F13A1: variants seen among roughly 807,000 people sequenced by gnomAD.
F13A1 encodes coagulation factor XIII A chain.
Under a neutral mutation model 80.1 loss-of-function variants are expected in F13A1, and 47 were observed. That is an observed-to-expected ratio of 0.59 (90% CI 0.46 to 0.75). The LOEUF is 0.75. Ranked by LOEUF, F13A1 falls within the 30% of genes least tolerant of loss-of-function variation. The probability of loss-of-function intolerance (pLI) is 0.00; values close to 1 mark genes in which losing one functional copy is unlikely to be tolerated. For synonymous variants in F13A1, 349 were observed against 344.9 expected (o/e 1.01, Z -0.13); for missense variants, 817 against 930.4 (o/e 0.88, Z 1.59).
rs57716665 is a variant in F13A1, at chr6:6,316,078, CATATATATATATATATATAT to C, written c.130+2437_130+2456del. ...GTTTGTGTGCTGCTATGTGTGTGTG[CATATATATATATATATATAT>C]ATATATATATATATATATATATATA... On this transcript the variant is annotated intron_variant, in intron 2 of 14. Coordinates refer to ENST00000264870, the MANE Select transcript of F13A1 (RefSeq NM_000129.4). 6.0e-3 allele frequency among the ~76,000 whole-genome samples: 211 copies of C among 34,938 alleles called. 4 individuals carry two copies. The highest frequency in any genetic ancestry group is 0.013 in the South Asian group (11 of 842). 22.9% of individuals were successfully genotyped at this position (34,938 alleles called of 152,430 possible).
chr6:6,184,577 G>C (rs1761043669), intron 10 of F13A1, among the ~76,000 whole-genome samples: 1 of 152,180 alleles, frequency 6.6e-6, no homozygotes, highest in Non-Finnish European at 1.5e-5. Flanking sequence ...AGCTGTCTGA[G>C]AATTCGGGAA....
intron 13 of F13A1, among the ~76,000 whole-genome samples, chr6:6,165,431 G>A (rs1380840542): frequency 6.6e-6 from 1 of 152,130 alleles, no homozygotes; most frequent in Admixed American, 6.5e-5. Flanking sequence ...ATTATCAGTG[G>A]TGCAATTAAA....
At chr6:6,197,417 T>G (rs1172222681) in intron 8 of F13A1, 91 bp from the exon 9 acceptor site, 6 of 1,248,426 alleles carry the variant, frequency 4.8e-6, no homozygotes, top group South Asian at 1.2e-5. Context: ...CAGTGGCTCA[T>G]GCCTGTAATC....
chr6:6,214,256 C>A (rs1291458036), intron 8 of F13A1, among the ~76,000 whole-genome samples: 2 of 151,464 alleles, frequency 1.3e-5, no homozygotes, highest in South Asian at 2.1e-4. Context: ...ACACCTATTC[C>A]AAAATTGACC....
At chr6:6,263,562 C>T (rs1757806132) in intron 4 of F13A1, among the ~76,000 whole-genome samples, 1 of 152,172 alleles carries the variant, frequency 6.6e-6, no homozygotes, top group African/African-American at 2.4e-5. Flanking sequence ...CTAACCGTGC[C>T]CATGTTTACA....
At chr6:6,204,329 C>T (rs980822267) in intron 8 of F13A1, among the ~76,000 whole-genome samples, 2 of 152,104 alleles carry the variant, frequency 1.3e-5, no homozygotes, top group Non-Finnish European at 2.9e-5. Context: ...GGGGAGAGCA[C>T]AAATAAGATC....
intron 3 of F13A1, among the ~76,000 whole-genome samples, chr6:6,304,660 G>A (rs569124123): frequency 2.6e-5 from 4 of 151,998 alleles, no homozygotes; most frequent in South Asian, 2.1e-4. Context: ...TTAGGAGTGC[G>A]AAACCAGCCT....
intron 3 of F13A1, among the ~76,000 whole-genome samples, chr6:6,299,134 G>A (rs1489108783): frequency 7.0e-6 from 1 of 142,238 alleles, no homozygotes; most frequent in Non-Finnish European, 1.5e-5. Context: ...AGTCTGATGG[G>A]CTTCCCTTTG....
chr6:6,291,974 A>G (rs1453319312), intron 3 of F13A1, among the ~76,000 whole-genome samples: 2 of 152,144 alleles, frequency 1.3e-5, no homozygotes, highest in Non-Finnish European at 2.9e-5. Flanking sequence ...TACCTCCACC[A>G]TCTCCTTGGT....
At chr6:6,148,322 GAC>G (rs1760319490) in intron 14 of F13A1, among the ~76,000 whole-genome samples, 1 of 152,108 alleles carries the variant, frequency 6.6e-6, no homozygotes, top group Non-Finnish European at 1.5e-5. Context: ...TGAGGGGTGA[GAC>G]ACAGCACCGC....
At chr6:6,148,034 T>A (rs423021) in intron 14 of F13A1, among the ~76,000 whole-genome samples, 10 of 152,298 alleles carry the variant, frequency 6.6e-5, no homozygotes, top group East Asian at 1.9e-4. Flanking sequence ...TCCTCTGTGC[T>A]TCTAGACCTT....
chr6:6,265,225 G>A (rs1381683877), intron 4 of F13A1, among the ~76,000 whole-genome samples: 2 of 152,314 alleles, frequency 1.3e-5, no homozygotes, highest in South Asian at 2.1e-4. Context: ...TGATTCAAAT[G>A]TGACTTTCAC....
intron 3 of F13A1, among the ~76,000 whole-genome samples, chr6:6,276,932 C>A (rs1406098132): frequency 1.3e-5 from 2 of 152,066 alleles, no homozygotes; most frequent in Non-Finnish European, 2.9e-5. Context: ...ATCTTATCCC[C>A]ACCCCACTCC....
At chr6:6,167,323 G>GTTTTTTTTT in intron 13 of F13A1, 135 bp downstream of exon 13, 1 of 875,352 alleles carries the variant, frequency 1.1e-6, no homozygotes, top group South Asian at 1.5e-5. Context: ...CCTAGCACTG[G>GTTTTTTTTT]TATTTTTTTT....
intron 14 of F13A1, among the ~76,000 whole-genome samples, chr6:6,146,358 T>C (rs1026881063): frequency 6.6e-6 from 1 of 152,218 alleles, no homozygotes; most frequent in Non-Finnish European, 1.5e-5. Context: ...ACCACCAAAT[T>C]GGGCCCCTCC....
At chr6:6,170,120 C>G (rs189583383) in intron 12 of F13A1, among the ~76,000 whole-genome samples, 50 of 152,294 alleles carry the variant, frequency 3.3e-4, no homozygotes, top group Admixed American at 7.2e-4. Context: ...TATCGTGTCT[C>G]TAGATAGAAT....
chr6:6,305,373 G>A lies in F13A1; in HGVS notation c.297C>T (p.Leu99=). The A allele has an allele frequency of 6.2e-7, 1 of 1,614,184 alleles. No homozygotes were observed. The highest frequency in any genetic ancestry group is 8.5e-7 in the Non-Finnish European group (1 of 1,180,018). ...FSRPYDPRRD[L]FRVEYVIGRY... is the part of the protein sequence containing the mutation. Reference sequence around the variant, plus strand: ...CACCAATGACGTATTCCACCCTGAAGAGATCCCTTCTGGGGTCATATGGAC... The same window carrying A: ...CACCAATGACGTATTCCACCCTGAAAAGATCCCTTCTGGGGTCATATGGAC... Residue 99 remains leucine (L), a synonymous_variant, in exon 3 of 15, where the codon CTC becomes CTT. Transcript: ENST00000264870.
At chr6:6,195,491 T>C (rs763689309) in intron 10 of F13A1, among the ~76,000 whole-genome samples, 47 of 152,356 alleles carry the variant, frequency 3.1e-4, no homozygotes, top group Non-Finnish European at 6.2e-4. Context: ...AGTTGAGAGA[T>C]CCATTAGTCA....
chr6:6,146,836 C>A (rs771886351), intron 14 of F13A1, among the ~76,000 whole-genome samples: 1 of 152,300 alleles, frequency 6.6e-6, no homozygotes, highest in South Asian at 2.1e-4. Context: ...TAAGAAAAGG[C>A]TTTTTCTAAG....
Sources: allele counts gnomAD v4.1 joint callset (sites outside exome capture counted in the v4.1 genomes callset), GRCh38; gene constraint gnomAD v4.1.1; transcripts MANE v1.5; gene names NCBI Gene and HGNC (gene_info 2026-07-23, HGNC 2026-07-21).